Variants in ATG10 observed in about 807,000 individuals in gnomAD.
ATG10 encodes the protein autophagy related 10, also known as ubiquitin-like-conjugating enzyme ATG10.
ATG10 carries 30 observed loss-of-function variants against 32.1 expected under a neutral mutation model. The observed-to-expected ratio is 0.94, with a 90% confidence interval of 0.70 to 1.27. ATG10 has a LOEUF of 1.27. Among genes scored for constraint, ATG10 ranks in the 50% most tolerant of loss-of-function variants. The pLI is 0.00. For synonymous variants in ATG10, 87 were observed against 91.5 expected, an observed-to-expected ratio of 0.95 and a Z score of 0.28; for missense variants, 233 against 262.3, an observed-to-expected ratio of 0.89 and a Z score of 0.77.
chr5:82,233,176 T>C (rs1341177055), intron 5 of ATG10, among the ~76,000 whole-genome samples: 2 of 152,352 alleles, frequency 1.3e-5, no homozygotes, highest in Admixed American at 6.5e-5. Context: ...ACATTCACTT[T>C]CTAGTTTTTC....
intron 5 of ATG10, among the ~76,000 whole-genome samples, chr5:82,219,959 G>A (rs1745851210): frequency 6.6e-6 from 1 of 152,202 alleles, no homozygotes; most frequent in African/African-American, 2.4e-5. Context: ...ATTCTGGTGG[G>A]GAGATGGCTG....
At chr5:82,043,833 T>C (rs1015313986) in intron 2 of ATG10, among the ~76,000 whole-genome samples, 99 of 152,154 alleles carry the variant, frequency 6.5e-4, no homozygotes, top group African/African-American at 2.2e-3. Flanking sequence ...AGCCTGGACT[T>C]CATTGTCCAT....
intron 3 of ATG10, among the ~76,000 whole-genome samples, chr5:82,104,015 GT>G (rs1477978136): frequency 1.1e-4 from 17 of 151,992 alleles, no homozygotes; most frequent in African/African-American, 4.1e-4. Context: ...GTTGCATGTA[GT>G]TATTTGCTCA....
intron 4 of ATG10, among the ~76,000 whole-genome samples, chr5:82,168,159 C>A (rs1157669320): frequency 2.6e-5 from 4 of 152,014 alleles, no homozygotes; most frequent in Non-Finnish European, 4.4e-5. Context: ...CCATTCCCTA[C>A]CATTCTTATT....
intron 2 of ATG10, among the ~76,000 whole-genome samples, chr5:82,039,986 T>C (rs544919850): frequency 1.3e-5 from 2 of 152,284 alleles, no homozygotes; most frequent in Admixed American, 1.3e-4. Flanking sequence ...GTTAAGGGTA[T>C]ACTGGGATCT....
chr5:82,200,863 CATTATTTA>C (rs1270605224), intron 5 of ATG10, among the ~76,000 whole-genome samples: 1 of 133,520 alleles, frequency 7.5e-6, no homozygotes, highest in African/African-American at 2.9e-5. Flanking sequence ...TTTAAAAATA[CATTATTTA>C]TTTATTTATT....
At chr5:82,060,281 A>T (rs1763724214) in intron 3 of ATG10, among the ~76,000 whole-genome samples, 1 of 152,232 alleles carries the variant, frequency 6.6e-6, no homozygotes, top group South Asian at 2.1e-4. Flanking sequence ...AAAGTCTACC[A>T]TTAACATTTT....
intron 2 of ATG10, among the ~76,000 whole-genome samples, chr5:81,993,135 C>T (rs2149674042): frequency 6.6e-6 from 1 of 151,984 alleles, no homozygotes; most frequent in South Asian, 2.1e-4. Context: ...ACCTTCTTTA[C>T]CATTTACTAA....
intron 4 of ATG10, among the ~76,000 whole-genome samples, chr5:82,172,184 CT>C (rs1743833704): frequency 6.6e-6 from 1 of 152,126 alleles, no homozygotes; most frequent in Middle Eastern, 3.2e-3. Flanking sequence ...ATGGGGACCA[CT>C]AGTAATAGTA....
chr5:82,145,986 C>T (rs1394986302), intron 3 of ATG10, among the ~76,000 whole-genome samples: 1 of 152,112 alleles, frequency 6.6e-6, no homozygotes. Flanking sequence ...GGATTACAGG[C>T]GTGAGCCACC....
intron 2 of ATG10, among the ~76,000 whole-genome samples, chr5:81,995,596 A>G (rs1297151118): frequency 1.3e-5 from 2 of 152,072 alleles, no homozygotes; most frequent in Non-Finnish European, 2.9e-5. Context: ...AAGTGTCATC[A>G]CTTTCATTTC....
intron 2 of ATG10, among the ~76,000 whole-genome samples, chr5:82,005,008 A>G (rs1448396284): frequency 1.3e-5 from 2 of 152,168 alleles, no homozygotes; most frequent in Non-Finnish European, 2.9e-5. Context: ...AAACAAATCA[A>G]CTGTAAAAGG....
intron 2 of ATG10, among the ~76,000 whole-genome samples, chr5:82,006,864 T>G (rs982173151): frequency 1.3e-4 from 20 of 152,286 alleles, no homozygotes; most frequent in South Asian, 1.2e-3. Context: ...TTATTTTATT[T>G]TATTTTTTGA....
intron 2 of ATG10, among the ~76,000 whole-genome samples, chr5:82,032,011 G>A (rs1210139032): frequency 1.3e-5 from 2 of 152,238 alleles, no homozygotes; most frequent in Non-Finnish European, 2.9e-5. Flanking sequence ...CCCAGACAAG[G>A]TAGTGGGACC....
chr5:82,183,496 C>T (rs182626980), intron 5 of ATG10, among the ~76,000 whole-genome samples: 69 of 151,854 alleles, frequency 4.5e-4, no homozygotes, highest in Non-Finnish European at 7.8e-4. Flanking sequence ...AATTCAGGCT[C>T]GATTTTTTGG....
intron 3 of ATG10, chr5:82,073,584 C>T (rs1174553364): frequency 6.6e-6 from 1 of 152,084 alleles, no homozygotes; most frequent in African/African-American, 2.4e-5. Flanking sequence ...AATGGGATCC[C>T]AAATACAGGA....
intron 2 of ATG10, among the ~76,000 whole-genome samples, chr5:82,030,073 G>T (rs1299012048): frequency 6.6e-6 from 1 of 152,128 alleles, no homozygotes; most frequent in Non-Finnish European, 1.5e-5. Flanking sequence ...TGGTCTCAAG[G>T]CAGGCTGTTC....
intron 3 of ATG10, among the ~76,000 whole-genome samples, chr5:82,127,898 A>T (rs545769766): frequency 1.3e-5 from 2 of 151,974 alleles, no homozygotes; most frequent in African/African-American, 2.4e-5. Context: ...GTCTTCCACT[A>T]TTATTGTGTG....
At chr5:82,242,524 T>C (rs1055483161) in intron 5 of ATG10, among the ~76,000 whole-genome samples, 3 of 152,096 alleles carry the variant, frequency 2.0e-5, no homozygotes, top group African/African-American at 7.2e-5. Context: ...AGGAAGCTCA[T>C]TGAATCCCCC....
Sources: gnomAD v4.1 joint callset for allele counts (sites outside exome capture counted in the v4.1 genomes callset) on GRCh38, gnomAD v4.1.1 for gene constraint, MANE v1.5 for transcripts, NCBI Gene and HGNC (gene_info 2026-07-23, HGNC 2026-07-21) for gene names.